COG7: variants seen among roughly 807,000 people sequenced by gnomAD.
COG7 encodes conserved oligomeric Golgi complex subunit 7.
Under a neutral mutation model 91.5 loss-of-function variants are expected in COG7, and 49 were observed. That is an observed-to-expected ratio of 0.54 (90% CI 0.43 to 0.68). The LOEUF (loss-of-function observed/expected upper bound fraction) is 0.68, where lower values mean the gene tolerates loss of function less well. Ranked by LOEUF, COG7 falls within the 30% of genes least tolerant of loss-of-function variation. The pLI is 0.00. For missense variants in COG7, 895 were observed against 961.3 expected (o/e 0.93, Z 0.91); for synonymous variants, 365 against 388.7 (o/e 0.94, Z 0.72).
intron 2 of COG7, 108 bp downstream of exon 2, chr16:23,445,705 T>C (rs1964170312): frequency 3.6e-6 from 4 of 1,099,544 alleles, no homozygotes; most frequent in African/African-American, 3.1e-5. Flanking sequence ...TCTTGAGTGA[T>C]GGTTGGCCTC....
intron 14 of COG7, among the ~76,000 whole-genome samples, chr16:23,396,453 C>T (rs1315700187): frequency 6.6e-6 from 1 of 152,088 alleles, no homozygotes; most frequent in Non-Finnish European, 1.5e-5. Context: ...CCAAGGTGGG[C>T]AGATCACTTC....
At chr16:23,422,973 A>C (rs1963783342) in intron 7 of COG7, among the ~76,000 whole-genome samples, 1 of 147,598 alleles carries the variant, frequency 6.8e-6, no homozygotes, top group Non-Finnish European at 1.5e-5. Context: ...TGAACCTGGG[A>C]GGCAGAGGTT....
intron 14 of COG7, among the ~76,000 whole-genome samples, chr16:23,397,184 T>TC (rs1963299158): frequency 6.6e-6 from 1 of 152,212 alleles, no homozygotes; most frequent in East Asian, 1.9e-4. Context: ...GCTGTGACTA[T>TC]AAGCATGAGC....
chr16:23,426,834 A>AG (rs1555495230), intron 6 of COG7, among the ~76,000 whole-genome samples: 2 of 146,060 alleles, frequency 1.4e-5, no homozygotes, highest in African/African-American at 2.6e-5. Flanking sequence ...AAAAAAAAAA[A>AG]AAAGAAAGAA....
intron 4 of COG7, among the ~76,000 whole-genome samples, chr16:23,438,515 A>C (rs1964047811): frequency 6.6e-6 from 1 of 152,128 alleles, no homozygotes; most frequent in Non-Finnish European, 1.5e-5. Context: ...CCATGATTGC[A>C]CCACTGCATT....
At chr16:23,409,097 G>GTT (rs1963520388) in intron 11 of COG7, among the ~76,000 whole-genome samples, 1 of 136,070 alleles carries the variant, frequency 7.3e-6, no homozygotes, top group South Asian at 2.3e-4. Flanking sequence ...GTGCGTGCAT[G>GTT]TGTGTGTGTG....
intron 1 of COG7, among the ~76,000 whole-genome samples, chr16:23,452,418 A>G (rs11864546): frequency 0.01 from 1,598 of 152,250 alleles, 18 homozygotes; most frequent in African/African-American, 0.036. Context: ...TTTTTTTTAA[A>G]CAGAATTTGT....
chr16:23,394,003 A>G (rs1158864184), intron 14 of COG7, among the ~76,000 whole-genome samples: 1 of 146,678 alleles, frequency 6.8e-6, no homozygotes, highest in Admixed American at 6.9e-5. Flanking sequence ...AGATCATGCC[A>G]TTGCACTGCA....
intron 15 of COG7, 87 bp from the exon 16 acceptor site, chr16:23,392,610 A>C: frequency 1.3e-6 from 2 of 1,532,440 alleles, no homozygotes; most frequent in Non-Finnish European, 1.8e-6. Context: ...TCTGATCTCA[A>C]TGGCAAACAC....
intron 6 of COG7, among the ~76,000 whole-genome samples, chr16:23,425,337 TAA>T (rs1005261272): frequency 1.4e-4 from 21 of 152,098 alleles, no homozygotes; most frequent in African/African-American, 4.8e-4. Context: ...AATTAAAAAT[TAA>T]AAACTTTTTT....
intron 3 of COG7, among the ~76,000 whole-genome samples, chr16:23,443,867 C>T (rs894944783): frequency 3.3e-5 from 5 of 151,686 alleles, no homozygotes; most frequent in African/African-American, 1.2e-4. Flanking sequence ...AAAATTAGCC[C>T]CCGGCCGGGC....
rs759520460 is a variant in COG7 at position 23,392,557 on chromosome 16, A to C, written c.2003-34T>G. On this transcript the variant is annotated intron_variant, in intron 15 of 16. Transcript: ENST00000307149. ...AAAAGGAGGTCACCAAGGAAAACAC[A>C]GGCCTGCAGTAGCTGCTGAATGCAC... 1.7e-5 allele frequency: 27 copies of C among 1,613,914 alleles called. No individual in the cohort carries two copies. The South Asian group carries it at 2.9e-4, about 17-fold the overall frequency.
chr16:23,432,054 GGA>G (rs1963943827), intron 6 of COG7, among the ~76,000 whole-genome samples: 1 of 152,010 alleles, frequency 6.6e-6, no homozygotes, highest in Admixed American at 6.6e-5. Context: ...GGCTCAGGCA[GGA>G]GGACAGCTTG....
chr16:23,399,586 C>T (rs139752014), intron 13 of COG7, among the ~76,000 whole-genome samples: 1 of 152,038 alleles, frequency 6.6e-6, no homozygotes, highest in Non-Finnish European at 1.5e-5. Flanking sequence ...CTCCCCTCTC[C>T]CCCCTGCAGA....
intron 6 of COG7, among the ~76,000 whole-genome samples, chr16:23,427,411 T>G (rs753472298): frequency 6.7e-6 from 1 of 149,118 alleles, no homozygotes; most frequent in African/African-American, 2.5e-5. Flanking sequence ...GAGGTGGAGG[T>G]TGCAGTGAGC....
At chr16:23,444,192 G>GA (rs1019578492) in intron 3 of COG7, among the ~76,000 whole-genome samples, 19 of 151,444 alleles carry the variant, frequency 1.3e-4, no homozygotes, top group African/African-American at 4.4e-4. Context: ...TCAGGGTTAG[G>GA]AAAAAAACTT....
At chr16:23,393,569 T>C (rs914537141) in intron 14 of COG7, 1 of 562,530 alleles carries the variant, frequency 1.8e-6, no homozygotes, top group Non-Finnish European at 3.2e-6. Context: ...CTTCTTATAA[T>C]GACCTCAATA....
In COG7 at chr16:23,425,519, T is replaced by C. The variant is rs1963832347; in HGVS notation, c.811-572A>G. The stretch of plus-strand genomic sequence containing the variant: ...TAATTTTTTATTTTATTTTATTTTT[T>C]TGTAGAGACGGGGTCTCACTATGTT... On this transcript the variant is annotated intron_variant, in intron 6 of 16. Transcript: ENST00000307149. Among the ~76,000 whole-genome samples, 3 of 152,024 alleles carry C rather than the reference T, an allele frequency of 2.0e-5. No individual in the cohort carries two copies. The South Asian group carries it at 6.2e-4, about 32-fold the overall frequency.
chr16:23,430,976 C>T (rs977862973), intron 6 of COG7, among the ~76,000 whole-genome samples: 1 of 151,462 alleles, frequency 6.6e-6, no homozygotes, highest in Admixed American at 6.6e-5. Flanking sequence ...CCAGCCTGGG[C>T]AACATAGTGA....
Sources: gnomAD v4.1 joint callset for allele counts (sites outside exome capture counted in the v4.1 genomes callset) on GRCh38, gnomAD v4.1.1 for gene constraint, MANE v1.5 for transcripts, NCBI Gene and HGNC (gene_info 2026-07-23, HGNC 2026-07-21) for gene names.